Variants in SLC16A14 observed in about 807,000 individuals in gnomAD.
SLC16A14 encodes the protein solute carrier family 16 member 14.
In SLC16A14, 14 loss-of-function variants were observed where a neutral mutation model predicts 35.8. That is an observed-to-expected ratio of 0.39 (90% CI 0.26 to 0.61). SLC16A14 has a LOEUF of 0.61. SLC16A14 is among the 20% of genes least tolerant of loss of function. The pLI is 0.51. For synonymous variants in SLC16A14, 248 were observed against 258.9 expected, an observed-to-expected ratio of 0.96 and a Z score of 0.40; for missense variants, 533 against 655.0, an observed-to-expected ratio of 0.81 and a Z score of 2.03.
chr2:230,052,350 C>T (rs533270319), intron 2 of SLC16A14, among the ~76,000 whole-genome samples: 11 of 152,266 alleles, frequency 7.2e-5, no homozygotes, highest in African/African-American at 2.6e-4. Flanking sequence ...AACTGAAATT[C>T]ACATACCGTA....
At chr2:230,051,675 CA>C (rs748966825) in intron 2 of SLC16A14, among the ~76,000 whole-genome samples, 1 of 152,104 alleles carries the variant, frequency 6.6e-6, no homozygotes, top group Non-Finnish European at 1.5e-5. Flanking sequence ...ACCTTATATG[CA>C]GATGAACTAT....
At chr2:230,054,096 A>G (rs558465997) in intron 2 of SLC16A14, among the ~76,000 whole-genome samples, 1 of 150,682 alleles carries the variant, frequency 6.6e-6, no homozygotes, top group African/African-American at 2.5e-5. Flanking sequence ...TGGGGGGGGA[A>G]GTTAAAGCTC....
chr2:230,053,762 C>T (rs1011019564), intron 2 of SLC16A14, among the ~76,000 whole-genome samples: 1 of 152,086 alleles, frequency 6.6e-6, no homozygotes, highest in Non-Finnish European at 1.5e-5. Flanking sequence ...GCCTGGGTGA[C>T]AGAGTGCGAC....
At chr2:230,049,224 C>T (rs972484343) in intron 3 of SLC16A14, among the ~76,000 whole-genome samples, 3 of 134,524 alleles carry the variant, frequency 2.2e-5, no homozygotes, top group Admixed American at 8.4e-5. Context: ...CAGGTGCCAC[C>T]GCACTTGGCT....
At chr2:230,056,252 G>GTTT (rs5839355) in intron 2 of SLC16A14, among the ~76,000 whole-genome samples, 15 of 110,028 alleles carry the variant, frequency 1.4e-4, no homozygotes, top group East Asian at 2.5e-4. Context: ...TAATATTGGT[G>GTTT]TTTTTTTTTT....
In SLC16A14 at chr2:230,046,929, C is replaced by G. The variant is rs1418112350; in HGVS notation, c.404-207G>C. 6.6e-6 allele frequency among the ~76,000 whole-genome samples: 1 copy of G among 152,238 alleles called. No homozygotes were observed. Among genetic ancestry groups the G allele is most frequent in the African/African-American group, 2.4e-5 (1 of 41,460 alleles). ...TCCACCCAAGCAGGTTTCTAGCCCG[C>G]CATTTTCCCCAACAGGCTTTGCTGC... On this transcript the variant is annotated intron_variant, in intron 3 of 4. Transcript: ENST00000295190. The surrounding 1 kb of genome is among the most constrained non-coding windows in gnomAD (Gnocchi z 5.0).
chr2:230,053,719 T>A (rs2077680462), intron 2 of SLC16A14, among the ~76,000 whole-genome samples: 1 of 152,046 alleles, frequency 6.6e-6, no homozygotes, highest in South Asian at 2.1e-4. Flanking sequence ...CAGCAGAGGT[T>A]GCAGTGAGCT....
intron 3 of SLC16A14, among the ~76,000 whole-genome samples, chr2:230,049,480 C>G (rs1030407540): frequency 2.6e-5 from 4 of 152,174 alleles, no homozygotes; most frequent in Non-Finnish European, 5.9e-5. Context: ...CTATTCCTCA[C>G]TGGAGATAGC....
chr2:230,041,444 T>C (rs376469550), intron 4 of SLC16A14, among the ~76,000 whole-genome samples: 1 of 152,014 alleles, frequency 6.6e-6, no homozygotes, highest in Non-Finnish European at 1.5e-5. Context: ...GTCTCCCGGG[T>C]TCAAGCAATT....
intron 3 of SLC16A14, among the ~76,000 whole-genome samples, chr2:230,049,354 A>C (rs763945728): frequency 2.6e-5 from 4 of 151,596 alleles, no homozygotes; most frequent in African/African-American, 4.8e-5. Context: ...TGTTGGGATT[A>C]CAGGCGTGAG....
chr2:230,055,615 G>C (rs1342969094), intron 2 of SLC16A14, among the ~76,000 whole-genome samples: 2 of 152,288 alleles, frequency 1.3e-5, no homozygotes, highest in East Asian at 3.9e-4. Flanking sequence ...TTCACCATGA[G>C]TTAGGGGTTC....
intron 2 of SLC16A14, among the ~76,000 whole-genome samples, chr2:230,051,274 A>G (rs2077657610): frequency 6.6e-6 from 1 of 152,032 alleles, no homozygotes; most frequent in African/African-American, 2.4e-5. Context: ...CGATCCTCCC[A>G]TCTCAGCCTC....
chr2:230,068,167 A>G lies in SLC16A14; in HGVS notation c.-15+388T>C, dbSNP rs2077817487. 6.6e-6 allele frequency: 1 copy of G among 152,378 alleles called. No homozygotes were observed. The highest frequency in any genetic ancestry group is 2.1e-4 in the South Asian group (1 of 4,834). The allele number at this position is 152,378 out of a possible 1,614,324, so 9.4% of individuals were successfully genotyped here. A position where few individuals can be genotyped will look rare whatever the true frequency, so the allele number is the denominator to read the frequency against. ...CAGTTCGAGTCCCAAACGGGCCTAG[A>G]GAGCAGCCGGGCAGCGAGGCTGGGC... On this transcript the variant is annotated intron_variant, in intron 1 of 4. Transcript: ENST00000295190. This position sits in a 1 kb window ranked among gnomAD's most constrained non-coding sequence, Gnocchi z 5.1.
chr2:230,038,926 A>G lies in SLC16A14; in HGVS notation c.1382-1395T>C, dbSNP rs919999112. 6.6e-6 allele frequency among the ~76,000 whole-genome samples: 1 copy of G among 152,156 alleles called. No individual in the cohort carries two copies. The highest frequency in any genetic ancestry group is 1.5e-5 in the Non-Finnish European group (1 of 68,048). On this transcript the variant is annotated intron_variant, in intron 4 of 4. Coordinates refer to ENST00000295190, the MANE Select transcript of SLC16A14 (RefSeq NM_152527.5). The surrounding 1 kb of genome is among the most constrained non-coding windows in gnomAD (Gnocchi z 4.4). ...CATCTCAAAAAATAAAATGAAATAA[A>G]AAAATAAGATTTTATGATCAAACAT...
intron 4 of SLC16A14, 123 bp from the exon 5 acceptor site, chr2:230,037,654 C>G (rs1334474571): frequency 2.7e-6 from 2 of 752,632 alleles, no homozygotes; most frequent in Non-Finnish European, 2.0e-6. Flanking sequence ...CATTTCATAC[C>G]AATAAAATGT....
chr2:230,058,475 G>A (rs1455607294), intron 2 of SLC16A14, among the ~76,000 whole-genome samples: 1 of 152,066 alleles, frequency 6.6e-6, no homozygotes, highest in East Asian at 1.9e-4. Flanking sequence ...GTAGAGTGGT[G>A]GTGGCCAGGG....
chr2:230,055,682 T>C (rs1425712814), intron 2 of SLC16A14, among the ~76,000 whole-genome samples: 3 of 152,242 alleles, frequency 2.0e-5, no homozygotes, highest in Non-Finnish European at 4.4e-5. Context: ...TAGTTTCTGT[T>C]GCTTATTTTC....
chr2:230,053,623 C>A (rs1428864015), intron 2 of SLC16A14, among the ~76,000 whole-genome samples: 1 of 151,982 alleles, frequency 6.6e-6, no homozygotes, highest in Non-Finnish European at 1.5e-5. Context: ...TCTACTACAG[C>A]TACAAAAATT....
rs757373456 is a variant in SLC16A14 at position 230,046,388 on chromosome 2, T to C, written c.738A>G (p.Thr246=). The C allele has an allele frequency of 3.7e-6, 6 of 1,614,108 alleles. No homozygotes were observed. The Admixed American group carries it at 5.0e-5, about 13-fold the overall frequency. The change falls in exon 4 of 5, where the codon ACA becomes ACG. Residue 246 remains threonine (T), a synonymous_variant. Coordinates refer to ENST00000295190, the MANE Select transcript of SLC16A14 (RefSeq NM_152527.5). The surrounding 1 kb of genome is among the most constrained non-coding windows in gnomAD (Gnocchi z 5.0). The part of the protein sequence containing the change: ...SVKSTGQQGR[T]EEKDGGLGNE... ...TCCCGAGCCCACCATCCTTCTCTTC[T>C]GTTCTTCCCTGCTGTCCAGTTGACT... is the stretch of plus-strand genomic sequence containing the variant.
Sources: gnomAD v4.1 joint callset for allele counts (sites outside exome capture counted in the v4.1 genomes callset) on GRCh38, gnomAD v4.1.1 for gene constraint, Gnocchi (gnomAD v3.1) non-coding constraint, MANE v1.5 for transcripts, NCBI Gene and HGNC (gene_info 2026-07-23, HGNC 2026-07-21) for gene names.